Variants in ADGRG1 observed in about 807,000 individuals in gnomAD.
ADGRG1 encodes the protein 7-transmembrane protein with no EGF-like N-terminal domains-1.
In ADGRG1, 53 loss-of-function variants were observed where a neutral mutation model predicts 73.5. The ratio of observed to expected loss-of-function variants is 0.72; its 90% CI spans 0.58 to 0.91. The LOEUF is 0.91. Among genes scored for constraint, ADGRG1 ranks in the 40% least tolerant of loss-of-function variants. ADGRG1 has a pLI of 0.00. For missense variants in ADGRG1, 795 were observed against 871.8 expected (o/e 0.91, Z 1.11); for synonymous variants, 394 against 374.4 (o/e 1.05, Z -0.60).
Position 57,659,417 on chromosome 16 carries a change from A to G in ADGRG1, c.1291A>G (p.Lys431Glu). The G allele has an allele frequency of 6.2e-7, 1 of 1,613,726 alleles. No individual in the cohort carries two copies. The highest frequency in any genetic ancestry group is 1.3e-5 in the African/African-American group (1 of 75,016). The change falls in exon 11 of 14, where the codon AAA becomes GAA. Residue 431 changes from lysine (K) to glutamate (E), a missense_variant. Transcript: ENST00000562631. The stretch of plus-strand genomic sequence containing the variant: ...CAGGGTGCCCCTGCCGTGCAGGAGG[A>G]AACCTCGGGACTACACCATCAAGGT... ...TIAAYLCSRR[K>E]PRDYTIKVHM...
In ADGRG1 at chr16:57,661,708, G is replaced by C. The variant is rs539751161; in HGVS notation, c.1676G>C (p.Arg559Pro). 6.2e-7 allele frequency: 1 copy of C among 1,613,586 alleles called. No individual in the cohort carries two copies. The highest frequency in any genetic ancestry group is 1.1e-5 in the South Asian group (1 of 91,052). The stretch of plus-strand genomic sequence containing the variant: ...GCCTTTGCCCGCAGGTGCTGGATCC[G>C]GGACTCCCTGGTCAGCTACATCACC... ...GVIYPSMCWI[R>P]DSLVSYITNL... Residue 559 changes from arginine (R) to proline (P), a missense_variant, in exon 13 of 14, where the codon CGG (arginine) becomes CCG (proline). Transcript: ENST00000562631.
chr16:57,647,362 G>A (rs750845288), intron 1 of ADGRG1: 15 of 982,050 alleles, frequency 1.5e-5, no homozygotes, highest in Non-Finnish European at 1.7e-5. Context: ...GGGGCCGTAC[G>A]GGAAGAGGGG....
upstream of ADGRG1, chr16:57,623,931 G>T (rs2035355486): frequency 1.7e-6 from 1 of 584,302 alleles, no homozygotes; most frequent in African/African-American, 2.0e-5. Flanking sequence ...GCTTTGGGAA[G>T]TTCCTCTCTC....
At chr16:57,630,013 G>A (rs1186905244) in intron 1 of ADGRG1, 1 of 985,198 alleles carries the variant, frequency 1.0e-6, no homozygotes, top group Non-Finnish European at 1.2e-6. Context: ...GGCTGTGTAG[G>A]AATAGCCTTT....
rs2047582664 is a variant in ADGRG1 at position 57,662,892 on chromosome 16, G to A, written c.1934-560G>A. ...GGGGCTCTCATGGGGTTCAAGGCCA[G>A]CCTCCCATACAGGGTCACCCTAGAA... On this transcript the variant is annotated intron_variant, in intron 13 of 13. Transcript: ENST00000562631. The A allele has an allele frequency of 6.1e-6, 6 of 983,468 alleles. No homozygotes were observed. The South Asian group carries it at 2.8e-4, about 46-fold the overall frequency. The allele number at this position is 983,468 out of a possible 1,614,324, so 60.9% of individuals were successfully genotyped here. A position where few individuals can be genotyped will look rare whatever the true frequency, so the allele number is the denominator to read the frequency against.
At chr16:57,644,961 CTCAT>C (rs2042176935) in intron 1 of ADGRG1, 1 of 547,094 alleles carries the variant, frequency 1.8e-6, no homozygotes, top group South Asian at 7.9e-5. Flanking sequence ...TGATCACACA[CTCAT>C]GCATGGGCAC....
chr16:57,621,569 C>T (rs11864795), intron 2 of ADGRG1: 4,046 of 152,344 alleles, frequency 0.027, 105 homozygotes, highest in East Asian at 0.11. Flanking sequence ...ACTGTGGCAT[C>T]GAGTGAGATG....
upstream of ADGRG1, chr16:57,628,583 A>T: frequency 3.0e-6 from 3 of 985,504 alleles, no homozygotes; most frequent in Non-Finnish European, 3.6e-6. Flanking sequence ...CAGCTGGGGC[A>T]GGAGAGGGGT....
chr16:57,624,691 C>T, upstream of ADGRG1: 4 of 982,744 alleles, frequency 4.1e-6, no homozygotes, highest in Non-Finnish European at 4.8e-6. Flanking sequence ...TGTCTTCCTA[C>T]TCCCCCAGGC....
chr16:57,631,542 AG>A (rs1476206791), intron 1 of ADGRG1: 1 of 985,428 alleles, frequency 1.0e-6, no homozygotes, highest in African/African-American at 1.7e-5. Context: ...CCCAGACTGG[AG>A]CTTGATCAGG....
upstream of ADGRG1, chr16:57,623,924 T>C (rs1190869056): frequency 2.6e-5 from 17 of 651,360 alleles, no homozygotes; most frequent in Non-Finnish European, 3.2e-5. Flanking sequence ...CTGCAAAGCT[T>C]TGGGAAGTTC....
intron 1 of ADGRG1, among the ~76,000 whole-genome samples, chr16:57,644,710 A>G (rs577129852): frequency 1.1e-3 from 65 of 58,446 alleles, no homozygotes; most frequent in Non-Finnish European, 1.9e-3. Flanking sequence ...ACGGGCACAC[A>G]CTGATCACAC....
chr16:57,636,124 C>T (rs1389922861), intron 1 of ADGRG1: 1 of 985,238 alleles, frequency 1.0e-6, no homozygotes, highest in African/African-American at 1.7e-5. Context: ...TTGGGGTCTG[C>T]AGCAATGGGA....
chr16:57,632,287 G>A (rs8056658), intron 1 of ADGRG1: 263,095 of 984,990 alleles, frequency 0.27, 35,838 homozygotes, highest in East Asian at 0.4. Context: ...GACAGGGCCC[G>A]TAGAGACAGC....
chr16:57,657,708 C>T (rs184797361), intron 10 of ADGRG1, among the ~76,000 whole-genome samples: 6 of 152,188 alleles, frequency 3.9e-5, no homozygotes, highest in Non-Finnish European at 5.9e-5. Context: ...TTTTAGCTGT[C>T]GACATTGTAT....
chr16:57,652,119 A>G (rs1376178641), intron 3 of ADGRG1: 4 of 1,045,618 alleles, frequency 3.8e-6, no homozygotes, highest in Non-Finnish European at 2.3e-6. Flanking sequence ...CCAGCAGCTG[A>G]TTGGAGTGGG....
At chr16:57,622,934 G>T (rs1281204159), upstream of ADGRG1, 7 of 985,344 alleles carry the variant, frequency 7.1e-6, no homozygotes, top group Admixed American at 6.1e-5. Flanking sequence ...GCAGGGACAG[G>T]GTGACCCTGG....
Position 57,654,050 on chromosome 16 carries a change from G to C in ADGRG1, c.685G>C (p.Glu229Gln), listed in dbSNP as rs572021323. ...VRFMGDMVSF[E>Q]EDRINATVWK... Reference sequence around the variant, plus strand: ...ATTCATGGGGGACATGGTGTCCTTCGAGGAGGACCGGATCAACGCCACGGT... The same window carrying C: ...ATTCATGGGGGACATGGTGTCCTTCCAGGAGGACCGGATCAACGCCACGGT... The change falls in exon 5 of 14, where the codon GAG becomes CAG. Residue 229 changes from glutamate (E) to glutamine (Q), a missense_variant. By Grantham distance (29) the Glu-to-Gln change is conservative (BLOSUM62 2). Coordinates refer to ENST00000562631, the MANE Select transcript of ADGRG1 (RefSeq NM_201525.4). 6.2e-7 allele frequency: 1 copy of C among 1,613,910 alleles called. No homozygotes were observed.
chr16:57,637,229 C>T (rs1473646332), intron 1 of ADGRG1: 1 of 757,234 alleles, frequency 1.3e-6, no homozygotes, highest in African/African-American at 1.9e-5. Context: ...TGAGCTTCAT[C>T]ATTTCAGTCC....
Sources: gnomAD v4.1 joint callset for allele counts (sites outside exome capture counted in the v4.1 genomes callset) on GRCh38, gnomAD v4.1.1 for gene constraint, MANE v1.5 for transcripts, NCBI Gene and HGNC (gene_info 2026-07-23, HGNC 2026-07-21) for gene names.